Variants in MIA2 observed in about 807,000 individuals in gnomAD.
The protein encoded by MIA2 is MIA SH3 domain ER export factor 2, also known as melanoma inhibitory activity protein 2.
Under a neutral mutation model 167.8 loss-of-function variants are expected in MIA2, and 127 were observed. The ratio of observed to expected loss-of-function variants is 0.76; its 90% CI spans 0.66 to 0.88. The LOEUF (loss-of-function observed/expected upper bound fraction) is 0.88. Ranked by LOEUF, MIA2 falls within the 40% of genes least tolerant of loss-of-function variation. The probability of loss-of-function intolerance (pLI) is 0.00; values close to 1 mark genes in which losing one functional copy is unlikely to be tolerated. For missense variants in MIA2, 1,690 were observed against 1,624.7 expected, an observed-to-expected ratio of 1.04 and a Z score of -0.69; for synonymous variants, 552 against 541.9, an observed-to-expected ratio of 1.02 and a Z score of -0.26.
chr14:39,277,911 C>T (rs1469057447), intron 7 of MIA2, among the ~76,000 whole-genome samples: 2 of 151,340 alleles, frequency 1.3e-5, no homozygotes, highest in African/African-American at 4.8e-5. Context: ...CTTTCTCAGC[C>T]TTTTGAGTAG....
At chr14:39,318,700 T>C (rs1411605076) in intron 22 of MIA2, among the ~76,000 whole-genome samples, 2 of 152,140 alleles carry the variant, frequency 1.3e-5, no homozygotes, top group Non-Finnish European at 2.9e-5. Flanking sequence ...GATAAAAAGT[T>C]TACGAGTAAG....
chr14:39,295,424 A>G (rs1257305166), intron 13 of MIA2, among the ~76,000 whole-genome samples: 5 of 152,246 alleles, frequency 3.3e-5, no homozygotes, highest in South Asian at 4.1e-4. Context: ...CCACATACAT[A>G]GATACTCCCA....
intron 25 of MIA2, among the ~76,000 whole-genome samples, chr14:39,340,262 T>A (rs2071493715): frequency 6.6e-6 from 1 of 152,208 alleles, no homozygotes; most frequent in African/African-American, 2.4e-5. Context: ...ATAATATATT[T>A]TATGTAAGCA....
chr14:39,340,352 CTCTTTT>C (rs2071513748), intron 25 of MIA2, among the ~76,000 whole-genome samples: 1 of 152,214 alleles, frequency 6.6e-6, no homozygotes. Flanking sequence ...TGTTTAAAAA[CTCTTTT>C]TCTTAAAGAG....
chr14:39,372,445 A>C (rs1427673698), intron 23 of MIA2, among the ~76,000 whole-genome samples: 2 of 152,224 alleles, frequency 1.3e-5, no homozygotes, highest in African/African-American at 2.4e-5. Flanking sequence ...GGAAGCTAGA[A>C]CAATTAAGGA....
At position 39,350,387 on chromosome 14, in the gene MIA2, G is replaced by A. The variant is rs1310669221; in HGVS notation, c.*123G>A. 1 of 491,856 alleles carries A rather than the reference G, an allele frequency of 2.0e-6. No homozygotes were observed. Among genetic ancestry groups the A allele is most frequent in the Non-Finnish European group, 3.7e-6 (1 of 273,302 alleles). The allele number at this position is 491,856 out of a possible 1,614,324, so 30.5% of individuals were successfully genotyped here. A position where few individuals can be genotyped will look rare whatever the true frequency, so the allele number is the denominator to read the frequency against. On this transcript the variant is annotated 3_prime_UTR_variant, in exon 29 of 29. Coordinates refer to ENST00000640607, the MANE Select transcript of MIA2 (RefSeq NM_001329214.4). ...AGCTTAATGGAATTATAATTCTCAG[G>A]ATAGTATTTTGTAAATAAAGATGAT...
intron 9 of MIA2, among the ~76,000 whole-genome samples, chr14:39,280,683 G>A (rs2058779813): frequency 6.6e-6 from 1 of 152,064 alleles, no homozygotes; most frequent in South Asian, 2.1e-4. Flanking sequence ...AGTGAGCCGA[G>A]ATTGTGCCAC....
At chr14:39,288,460 TATATATA>T (rs1469989433) in intron 9 of MIA2, among the ~76,000 whole-genome samples, 199 of 15,940 alleles carry the variant, frequency 0.012, 21 homozygotes, top group South Asian at 0.032. Flanking sequence ...TATATATATA[TATATATA>T]TATATATATT....
intron 6 of MIA2, among the ~76,000 whole-genome samples, chr14:39,260,245 T>C (rs1255918679): frequency 6.6e-6 from 1 of 152,194 alleles, no homozygotes; most frequent in Non-Finnish European, 1.5e-5. Flanking sequence ...CTGGGTCAAA[T>C]GGTATTTCTA....
chr14:39,281,985 C>T (rs554632039), intron 9 of MIA2, among the ~76,000 whole-genome samples: 51 of 152,162 alleles, frequency 3.4e-4, no homozygotes, highest in African/African-American at 1.2e-3. Context: ...ATATATGCTG[C>T]CGACAAATAT....
chr14:39,334,683 C>T (rs905066523), intron 25 of MIA2, among the ~76,000 whole-genome samples: 27 of 151,560 alleles, frequency 1.8e-4, no homozygotes, highest in African/African-American at 6.3e-4. Context: ...TCTCCTGCCT[C>T]ATCCTCCCGA....
At chr14:39,257,809 T>C (rs564783175) in intron 6 of MIA2, among the ~76,000 whole-genome samples, 13 of 152,372 alleles carry the variant, frequency 8.5e-5, no homozygotes, top group African/African-American at 3.1e-4. Flanking sequence ...CATTTGCTTG[T>C]CTGTAAAGGA....
rs1037632707 is a variant in MIA2 at position 39,252,799 on chromosome 14, T to G, written c.1619T>G (p.Phe540Cys). Residue 540 changes from phenylalanine to cysteine, a missense_variant, in exon 5 of 29, where the codon TTT becomes TGT. Physicochemically the swap from Phe to Cys is radical, Grantham distance 205. Coordinates refer to ENST00000640607, the MANE Select transcript of MIA2 (RefSeq NM_001329214.4). ...ACGAGAATTCACGAAGAAGTATATT[T>G]TGAACCCTCATCTTCTAAAGATAGT... ...LPTRIHEEVY[F>C]EPSSSKDSDE... is the part of the protein sequence containing the mutation. The G allele has an allele frequency of 1.2e-6, 2 of 1,613,862 alleles. No individual in the cohort carries two copies. Among genetic ancestry groups the G allele is most frequent in the Non-Finnish European group, 8.5e-7 (1 of 1,179,838 alleles).
At chr14:39,387,114 C>A (rs2075284746) in exon 24 of MIA2, 1 of 577,114 alleles carries the variant, frequency 1.7e-6, no homozygotes, top group Non-Finnish European at 3.1e-6. Flanking sequence ...TTGCTTGGTG[C>A]TCAACGGAAG....
At chr14:39,279,090 G>A (rs1226574483) in intron 7 of MIA2, among the ~76,000 whole-genome samples, 2 of 150,834 alleles carry the variant, frequency 1.3e-5, no homozygotes, top group Admixed American at 1.3e-4. Flanking sequence ...GAACCCAGGA[G>A]GTGGAGGTTG....
chr14:39,239,535 A>G (rs561169586), intron 2 of MIA2, among the ~76,000 whole-genome samples: 1 of 152,322 alleles, frequency 6.6e-6, no homozygotes, highest in South Asian at 2.1e-4. Context: ...AGCCTGGGCA[A>G]CAGAGCAAGA....
Position 39,233,997 on chromosome 14 carries a change from AC to A in MIA2, c.-115del. On this transcript the variant is annotated 5_prime_UTR_variant, in exon 1 of 29. Transcript: ENST00000640607. ...TTATCAAGAGATTTTTAAAACTTCAACCCTTTTTCTCTTATAGTTAGTGAAG... is the reference window on the plus strand; with the variant it reads ...TTATCAAGAGATTTTTAAAACTTCAACCTTTTTCTCTTATAGTTAGTGAAG... 1.9e-6 allele frequency: 1 copy of A among 523,620 alleles called. No homozygotes were observed. Among genetic ancestry groups the A allele is most frequent in the Non-Finnish European group, 3.4e-6 (1 of 298,266 alleles). 32.4% of individuals were successfully genotyped at this position (523,620 alleles called of 1,614,324 possible). A position where few individuals can be genotyped will look rare whatever the true frequency, so the allele number is the denominator to read the frequency against.
chr14:39,235,039 GTT>G (rs1221496521), intron 1 of MIA2, among the ~76,000 whole-genome samples: 1 of 144,180 alleles, frequency 6.9e-6, no homozygotes, highest in African/African-American at 2.5e-5. Flanking sequence ...TACCTTTTTG[GTT>G]TTTTTTTTTT....
intron 13 of MIA2, among the ~76,000 whole-genome samples, chr14:39,299,068 TAAAAAAAAAAA>T (rs3065043): frequency 9.1e-5 from 4 of 44,002 alleles, no homozygotes; most frequent in Non-Finnish European, 8.0e-5. Context: ...TCCCTGCCTC[TAAAAAAAAAAA>T]AAAAAAAAAA....
Sources: gnomAD v4.1 joint callset for allele counts (sites outside exome capture counted in the v4.1 genomes callset) on GRCh38, gnomAD v4.1.1 for gene constraint, MANE v1.5 for transcripts, NCBI Gene and HGNC (gene_info 2026-07-23, HGNC 2026-07-21) for gene names.